The following PLEKHF1 variants were observed in gnomAD, a reference collection of about 807,000 sequenced individuals.
PLEKHF1 encodes the protein pleckstrin homology domain-containing family F member 1.
PLEKHF1 carries 1 observed loss-of-function variant against 4.1 expected under a neutral mutation model. That is an observed-to-expected ratio of 0.24 (90% confidence interval 0.09 to 1.15). PLEKHF1 has a LOEUF of 1.15. Among genes scored for constraint, PLEKHF1 ranks in the 50% most tolerant of loss-of-function variants. The pLI is 0.52. For synonymous variants in PLEKHF1, 182 were observed against 178.5 expected, an observed-to-expected ratio of 1.02 and a Z score of -0.16; for missense variants, 429 against 400.6, an observed-to-expected ratio of 1.07 and a Z score of -0.60.
chr19:29,665,586 G>T (rs1347600304), intron 1 of PLEKHF1, 81 bp downstream of exon 1: 12 of 1,235,134 alleles, frequency 9.7e-6, no homozygotes, highest in Non-Finnish European at 9.3e-6. Context: ...ACCACCCCCG[G>T]ACAAGCGAGC....
intron 1 of PLEKHF1, chr19:29,665,874 C>CACACGAGGCCAGGA: frequency 1.1e-6 from 1 of 933,404 alleles, no homozygotes; most frequent in Non-Finnish European, 1.3e-6. Flanking sequence ...GGATCCTGGC[C>CACACGAGGCCAGGA]TCGTGTGGCC....
At chr19:29,669,241 T>A (rs559937547) in intron 1 of PLEKHF1, among the ~76,000 whole-genome samples, 1 of 152,318 alleles carries the variant, frequency 6.6e-6, no homozygotes, top group African/African-American at 2.4e-5. Flanking sequence ...TTCTGCCTGG[T>A]GCTGCTCCTT....
intron 1 of PLEKHF1, among the ~76,000 whole-genome samples, chr19:29,668,166 A>C (rs1971590560): frequency 6.6e-6 from 1 of 152,120 alleles, no homozygotes; most frequent in East Asian, 1.9e-4. Context: ...CTGAACCCTC[A>C]AAGAAAGATG....
rs184948504 is a variant in PLEKHF1, at chr19:29,673,314, G to A, written c.-16-510G>A. 3.9e-3 allele frequency among the ~76,000 whole-genome samples: 589 copies of A among 152,132 alleles called. 6 individuals carry two copies. The highest frequency in any genetic ancestry group is 0.011 in the African/African-American group (450 of 41,492). On this transcript the variant is annotated intron_variant, in intron 1 of 1. Transcript: ENST00000436066. ...CTGATGTCCCGTTGAGGCCTGTTCC[G>A]CCCTGTTTTTCAAGGCTCCCCAGCG...
At chr19:29,670,020 T>C (rs75055353) in intron 1 of PLEKHF1, among the ~76,000 whole-genome samples, 2,034 of 152,144 alleles carry the variant, frequency 0.013, 76 homozygotes, top group East Asian at 0.11. Flanking sequence ...CAATCTCTAC[T>C]TCCTAGGTTC....
rs73546189 is a variant in PLEKHF1 at position 29,670,451 on chromosome 19, C to G, written c.-16-3373C>G. On this transcript the variant is annotated intron_variant, in intron 1 of 1. Coordinates refer to ENST00000436066, the MANE Select transcript of PLEKHF1 (RefSeq NM_024310.5). ...GGCTCATTCGTGTTGTAGTGTGCGT[C>G]AGAATTACCTTCCTTTTCGAGGCTG... Among the ~76,000 whole-genome samples, 620 of 152,302 alleles carry G rather than the reference C, an allele frequency of 4.1e-3. 7 individuals carry two copies. Among genetic ancestry groups the G allele is most frequent in the African/African-American group, 0.014 (567 of 41,544 alleles).
In PLEKHF1 at chr19:29,671,784, G is replaced by T. The variant is rs903138841; in HGVS notation, c.-16-2040G>T. ...CACCCTCACACTGGGGCCCCACTCT[G>T]GCTTTCTACTGGTGGCCAGGCTCAG... is the stretch of plus-strand genomic sequence containing the variant. On this transcript the variant is annotated intron_variant, in intron 1 of 1. Transcript: ENST00000436066. This position sits in a 1 kb window ranked among gnomAD's most constrained non-coding sequence, Gnocchi z 4.0. Among the ~76,000 whole-genome samples the T allele has an allele frequency of 6.6e-6, 1 of 152,130 alleles. No homozygotes were observed. Among genetic ancestry groups the T allele is most frequent in the African/African-American group, 2.4e-5 (1 of 41,416 alleles).
chr19:29,665,570 C>G, intron 1 of PLEKHF1, 65 bp downstream of exon 1: 1 of 1,246,344 alleles, frequency 8.0e-7, no homozygotes, highest in Non-Finnish European at 1.0e-6. Context: ...AGGCGAGTCT[C>G]CCATCACCAC....
At chr19:29,668,831 G>A (rs117017441) in intron 1 of PLEKHF1, among the ~76,000 whole-genome samples, 291 of 152,276 alleles carry the variant, frequency 1.9e-3, no homozygotes, top group Non-Finnish European at 3.1e-3. Flanking sequence ...TGAAGTTGTG[G>A]TCATGTAGAG....
At chr19:29,665,549 G>A in intron 1 of PLEKHF1, 44 bp downstream of exon 1, 4 of 1,253,484 alleles carry the variant, frequency 3.2e-6, no homozygotes, top group South Asian at 1.3e-5. Context: ...GGGTCGCGGG[G>A]CAGGCGCATG....
In PLEKHF1 at chr19:29,671,847, A is replaced by G. The variant is rs1971634611; in HGVS notation, c.-16-1977A>G. Among the ~76,000 whole-genome samples the G allele has an allele frequency of 6.6e-6, 1 of 152,046 alleles. No individual in the cohort carries two copies. Among genetic ancestry groups the G allele is most frequent in the African/African-American group, 2.4e-5 (1 of 41,394 alleles). On this transcript the variant is annotated intron_variant, in intron 1 of 1. Transcript: ENST00000436066. The surrounding 1 kb of genome is among the most constrained non-coding windows in gnomAD (Gnocchi z 4.0). ...GTGACCCAGAAACACTATGGGTGTG[A>G]TCAGCTCAGCCCCAGGCGTGCCGTG...
chr19:29,673,914 G>A lies in PLEKHF1; in HGVS notation c.75G>A (p.Ser25=). 6.2e-7 allele frequency: 1 copy of A among 1,612,694 alleles called. No individual in the cohort carries two copies. The highest frequency in any genetic ancestry group is 8.5e-7 in the Non-Finnish European group (1 of 1,179,360). Residue 25 remains serine, a synonymous_variant, in exon 2 of 2, where the codon TCG becomes TCA. Coordinates refer to ENST00000436066, the MANE Select transcript of PLEKHF1 (RefSeq NM_024310.5). ...CAGTGGAGAGCTGCTTCGGGGCCTC[G>A]GGGCAGCCGCTGGCGCTGCCAGGCC... ...IAAVESCFGA[S]GQPLALPGRV...
intron 1 of PLEKHF1, among the ~76,000 whole-genome samples, chr19:29,672,859 T>G (rs1971646300): frequency 6.6e-6 from 1 of 151,948 alleles, no homozygotes; most frequent in African/African-American, 2.4e-5. Context: ...ATCTATGGCA[T>G]TTATGGGGTC....
At position 29,674,628 on chromosome 19, in the gene PLEKHF1, C is replaced by G; in HGVS notation, c.789C>G (p.Ser263Arg). The G allele has an allele frequency of 6.2e-7, 1 of 1,610,118 alleles. No individual in the cohort carries two copies. The highest frequency in any genetic ancestry group is 8.5e-7 in the Non-Finnish European group (1 of 1,179,020). The part of the protein sequence containing the change: ...KEGSRDGDWP[S>R]SVEFYASGVA... The stretch of plus-strand genomic sequence containing the variant: ...GCAGCAGGGACGGCGACTGGCCCAG[C>G]AGCGTGGAGTTCTACGCCTCGGGGG... Residue 263 changes from serine (S) to arginine (R), a missense_variant, in exon 2 of 2, where the codon AGC (serine) becomes AGG (arginine). Coordinates refer to ENST00000436066, the MANE Select transcript of PLEKHF1 (RefSeq NM_024310.5).
rs543120313 is a variant in PLEKHF1, at chr19:29,672,433, G to A, written c.-16-1391G>A. On this transcript the variant is annotated intron_variant, in intron 1 of 1. Transcript: ENST00000436066. ...TGTGGGAAGAGGCTGCCTGAGCTGGGGTTGTCAGGGAGAACCCTTTCAAAA... is the reference window on the plus strand; with the variant it reads ...TGTGGGAAGAGGCTGCCTGAGCTGGAGTTGTCAGGGAGAACCCTTTCAAAA... Among the ~76,000 whole-genome samples, 3 of 152,110 alleles carry A rather than the reference G, an allele frequency of 2.0e-5. No individual in the cohort carries two copies. In the South Asian group the frequency reaches 6.2e-4, roughly 32 times the overall value.
Position 29,674,423 on chromosome 19 carries a change from G to T in PLEKHF1, c.584G>T (p.Arg195Leu), listed in dbSNP as rs1282400414. Residue 195 changes from arginine (R) to leucine (L), a missense_variant, in exon 2 of 2, where the codon CGC becomes CTC. Transcript: ENST00000436066. ...ECSRQRFLLP[R>L]LSPKPVRVCS... Reference sequence around the variant, plus strand: ...TCGCGCCAGCGCTTCCTGCTCCCGCGCCTGTCCCCCAAGCCCGTGCGCGTC... The same window carrying T: ...TCGCGCCAGCGCTTCCTGCTCCCGCTCCTGTCCCCCAAGCCCGTGCGCGTC... The T allele has an allele frequency of 1.0e-5, 16 of 1,530,194 alleles. No individual in the cohort carries two copies. In the African/African-American group the frequency reaches 1.8e-4, roughly 17 times the overall value. 94.8% of individuals were successfully genotyped at this position (1,530,194 alleles called of 1,614,324 possible).
intron 1 of PLEKHF1, among the ~76,000 whole-genome samples, chr19:29,667,467 G>T (rs773837419): frequency 2.5e-4 from 38 of 152,192 alleles, no homozygotes; most frequent in Non-Finnish European, 8.8e-5. Context: ...TCTGCGTGCG[G>T]CCCAGGTCCC....
Position 29,674,927 on chromosome 19 carries a change from C to T in PLEKHF1, c.*248C>T. The T allele has an allele frequency of 1.8e-6, 1 of 548,760 alleles. No individual in the cohort carries two copies. The highest frequency in any genetic ancestry group is 3.1e-5 in the East Asian group (1 of 31,986). The allele number at this position is 548,760 out of a possible 1,614,324, so 34.0% of individuals were successfully genotyped here. On this transcript the variant is annotated 3_prime_UTR_variant, in exon 2 of 2. Transcript: ENST00000436066. Reference sequence around the variant, plus strand: ...CCACAGGTCTTGGTAACAAACGCCACCTTACACTCTGCAGGCTGCAGCGGC... The same window carrying T: ...CCACAGGTCTTGGTAACAAACGCCATCTTACACTCTGCAGGCTGCAGCGGC...
chr19:29,673,598 T>G (rs1971655093), intron 1 of PLEKHF1, among the ~76,000 whole-genome samples: 2 of 152,064 alleles, frequency 1.3e-5, no homozygotes, highest in South Asian at 4.1e-4. Flanking sequence ...GGCCTCCACA[T>G]CCCCTTTACT....
Sources: gnomAD v4.1 joint callset for allele counts (sites outside exome capture counted in the v4.1 genomes callset) on GRCh38, gnomAD v4.1.1 for gene constraint, Gnocchi (gnomAD v3.1) non-coding constraint, MANE v1.5 for transcripts, NCBI Gene and HGNC (gene_info 2026-07-23, HGNC 2026-07-21) for gene names.